ZMYM4: variants seen among roughly 807,000 people sequenced by gnomAD.
ZMYM4 encodes the protein zinc finger MYM-type containing 4.
In ZMYM4, 31 loss-of-function variants were observed where a neutral mutation model predicts 183.2. That is an observed-to-expected ratio of 0.17 (90% CI 0.13 to 0.23). ZMYM4 has a LOEUF of 0.23. ZMYM4 is among the 10% of genes least tolerant of loss of function. The probability of loss-of-function intolerance (pLI) is 1.00; values close to 1 mark genes in which losing one functional copy is unlikely to be tolerated. For missense variants in ZMYM4, 1,273 were observed against 1,840.3 expected (o/e 0.69, Z 5.64); for synonymous variants, 592 against 631.2 (o/e 0.94, Z 0.93).
At chr1:35,272,152 G>T (rs1477174100) in intron 1 of ZMYM4, among the ~76,000 whole-genome samples, 2 of 152,128 alleles carry the variant, frequency 1.3e-5, no homozygotes, top group African/African-American at 4.8e-5. Flanking sequence ...TGGGGACTAT[G>T]CAGTACCATG....
intron 7 of ZMYM4, among the ~76,000 whole-genome samples, chr1:35,371,909 G>A (rs1440948973): frequency 6.6e-6 from 1 of 152,134 alleles, no homozygotes; most frequent in Non-Finnish European, 1.5e-5. Flanking sequence ...ATATACAAAT[G>A]TAGATTAGAC....
intron 1 of ZMYM4, among the ~76,000 whole-genome samples, chr1:35,302,525 A>AC (rs1641338170): frequency 6.6e-6 from 1 of 151,228 alleles, no homozygotes; most frequent in African/African-American, 2.4e-5. Context: ...AGCTGGAACT[A>AC]TGGGTGCCTG....
At position 35,421,725 on chromosome 1, in the gene ZMYM4, C is replaced by T. The variant is rs2149056419; in HGVS notation, c.*2048C>T. The T allele has an allele frequency of 6.6e-6, 1 of 152,272 alleles. No individual in the cohort carries two copies. The allele number at this position is 152,272 out of a possible 1,614,324, so 9.4% of individuals were successfully genotyped here. A position where few individuals can be genotyped will look rare whatever the true frequency, so the allele number is the denominator to read the frequency against. ...TATTGATTAATTATTGGTCATTCCT[C>T]ATAAGTGTAGCTGTTGATGTGTGCG... On this transcript the variant is annotated 3_prime_UTR_variant, in exon 30 of 30. Transcript: ENST00000314607.
chr1:35,355,160 A>G (rs1570423549), intron 2 of ZMYM4, among the ~76,000 whole-genome samples: 2 of 143,570 alleles, frequency 1.4e-5, no homozygotes, highest in Non-Finnish European at 3.0e-5. Flanking sequence ...CAGCCTCCCG[A>G]GTAGCTGGGA....
intron 26 of ZMYM4, among the ~76,000 whole-genome samples, chr1:35,411,724 G>T (rs1226945839): frequency 6.6e-6 from 1 of 152,160 alleles, no homozygotes; most frequent in African/African-American, 2.4e-5. Context: ...CTTCTGATCT[G>T]TGACTACAGG....
At chr1:35,327,249 T>C (rs375783482) in intron 2 of ZMYM4, among the ~76,000 whole-genome samples, 3 of 152,378 alleles carry the variant, frequency 2.0e-5, no homozygotes, top group African/African-American at 7.2e-5. Flanking sequence ...CTAGCTTCTT[T>C]TATACATGTG....
At chr1:35,378,588 G>A (rs1644384207) in intron 7 of ZMYM4, among the ~76,000 whole-genome samples, 1 of 152,142 alleles carries the variant, frequency 6.6e-6, no homozygotes, top group East Asian at 1.9e-4. Flanking sequence ...AATCTTTTAA[G>A]TGTCCTGGGA....
chr1:35,305,339 T>C (rs1641487166), intron 1 of ZMYM4, among the ~76,000 whole-genome samples: 1 of 152,230 alleles, frequency 6.6e-6, no homozygotes, highest in African/African-American at 2.4e-5. Flanking sequence ...TTCTGTTTTT[T>C]GCTTCATGTA....
chr1:35,351,920 T>G (rs940645534), intron 2 of ZMYM4, among the ~76,000 whole-genome samples: 1 of 152,232 alleles, frequency 6.6e-6, no homozygotes, highest in African/African-American at 2.4e-5. Flanking sequence ...AATATTGTTC[T>G]TAAATTACTT....
chr1:35,295,390 T>A (rs949593344), intron 1 of ZMYM4, among the ~76,000 whole-genome samples: 1 of 152,184 alleles, frequency 6.6e-6, no homozygotes, highest in East Asian at 1.9e-4. Context: ...AGAGGCAGCA[T>A]AGAGGCAGTA....
At position 35,374,324 on chromosome 1, in the gene ZMYM4, G is replaced by A. The variant is rs182633180; in HGVS notation, c.1181+3697G>A. ...GCTGGGATTACAGGCATGAGCCACCGTGCCCGGCACTCATCATGGGATTGT... is the reference window on the plus strand; with the variant it reads ...GCTGGGATTACAGGCATGAGCCACCATGCCCGGCACTCATCATGGGATTGT... On this transcript the variant is annotated intron_variant, in intron 7 of 29. Coordinates refer to ENST00000314607, the MANE Select transcript of ZMYM4 (RefSeq NM_005095.3). 2.4e-4 allele frequency among the ~76,000 whole-genome samples: 36 copies of A among 152,098 alleles called. No individual in the cohort carries two copies. The East Asian group carries it at 6.2e-3, about 26-fold the overall frequency.
At chr1:35,388,351 C>A (rs1442201567) in intron 13 of ZMYM4, among the ~76,000 whole-genome samples, 1 of 152,140 alleles carries the variant, frequency 6.6e-6, no homozygotes, top group Non-Finnish European at 1.5e-5. Context: ...ACTACAGGCA[C>A]CCGCCACCAC....
intron 1 of ZMYM4, among the ~76,000 whole-genome samples, chr1:35,314,539 C>T (rs745421681): frequency 1.1e-4 from 17 of 151,512 alleles, no homozygotes; most frequent in Non-Finnish European, 1.5e-4. Flanking sequence ...CCTGCCTCAG[C>T]CTCCCAAAGT....
intron 1 of ZMYM4, among the ~76,000 whole-genome samples, chr1:35,283,482 C>T (rs12088439): frequency 1.3e-5 from 2 of 151,302 alleles, no homozygotes; most frequent in African/African-American, 2.4e-5. Context: ...GGACTACAGG[C>T]GCCCACCACC....
At chr1:35,273,915 A>T (rs547012447) in intron 1 of ZMYM4, among the ~76,000 whole-genome samples, 1 of 152,320 alleles carries the variant, frequency 6.6e-6, no homozygotes, top group East Asian at 1.9e-4. Context: ...CTATTAATAT[A>T]TAAATCTGTG....
At chr1:35,405,712 T>G (rs1421722988) in intron 25 of ZMYM4, among the ~76,000 whole-genome samples, 2 of 152,172 alleles carry the variant, frequency 1.3e-5, no homozygotes, top group East Asian at 1.9e-4. Flanking sequence ...CCTCAAAATA[T>G]GTCTTCTTGA....
rs1640335634 is a variant in ZMYM4, at chr1:35,421,871, A to G, written c.*2194A>G. 6.6e-6 allele frequency: 1 copy of G among 152,174 alleles called. No homozygotes were observed. Among genetic ancestry groups the G allele is most frequent in the African/African-American group, 2.4e-5 (1 of 41,440 alleles). 9.4% of individuals were successfully genotyped at this position (152,174 alleles called of 1,614,324 possible). ...CCTTTTTGTTCTTTTTCAGTTTTTAACCACTTTTAGGTTTTCCCCTTACAG... is the reference window on the plus strand; with the variant it reads ...CCTTTTTGTTCTTTTTCAGTTTTTAGCCACTTTTAGGTTTTCCCCTTACAG... On this transcript the variant is annotated 3_prime_UTR_variant, in exon 30 of 30. Transcript: ENST00000314607.
intron 24 of ZMYM4, 24 bp from the exon 25 acceptor site, chr1:35,405,349 C>A (rs371681723): frequency 5.7e-6 from 9 of 1,583,292 alleles, no homozygotes; most frequent in East Asian, 2.2e-5. Context: ...TTAAACTTTT[C>A]TTTTATGTTT....
chr1:35,287,082 C>G (rs926862808), intron 1 of ZMYM4, among the ~76,000 whole-genome samples: 1 of 151,868 alleles, frequency 6.6e-6, no homozygotes, highest in Admixed American at 6.6e-5. Flanking sequence ...CTTCCTTCCT[C>G]GACTTTTTCC....
Sources: allele counts gnomAD v4.1 joint callset (sites outside exome capture counted in the v4.1 genomes callset), GRCh38; gene constraint gnomAD v4.1.1; transcripts MANE v1.5; gene names NCBI Gene and HGNC (gene_info 2026-07-23, HGNC 2026-07-21).